The following DENND4C variants were observed in gnomAD, a reference collection of about 807,000 sequenced individuals.
DENND4C encodes the protein DENN domain containing 4C.
Under a neutral mutation model 203.0 loss-of-function variants are expected in DENND4C, and 108 were observed. The observed-to-expected ratio is 0.53, with a 90% CI of 0.46 to 0.62. The LOEUF is 0.62. Among genes scored for constraint, DENND4C ranks in the 20% least tolerant of loss-of-function variants. The pLI is 0.00. For missense variants in DENND4C, 2,481 were observed against 2,301.2 expected (o/e 1.08, Z -1.60); for synonymous variants, 871 against 792.4 (o/e 1.10, Z -1.67).
intron 1 of DENND4C, among the ~76,000 whole-genome samples, chr9:19,245,562 A>G (rs1000957367): frequency 3.3e-5 from 5 of 150,882 alleles, no homozygotes; most frequent in Non-Finnish European, 7.4e-5. Flanking sequence ...AACTTAAAAA[A>G]TTGTAAGCAT....
At chr9:19,257,271 G>A (rs193288178) in intron 1 of DENND4C, among the ~76,000 whole-genome samples, 5 of 150,948 alleles carry the variant, frequency 3.3e-5, no homozygotes, top group Admixed American at 1.3e-4. Flanking sequence ...TGTGAGAATC[G>A]CTTAAACCCA....
chr9:19,316,578 A>C, intron 11 of DENND4C, 43 bp from the exon 12 acceptor site: 2 of 1,603,218 alleles, frequency 1.2e-6, no homozygotes, highest in Non-Finnish European at 1.7e-6. Flanking sequence ...ATTCTTCTTA[A>C]ATTTAACATA....
At chr9:19,242,203 C>G (rs1823930679) in intron 1 of DENND4C, among the ~76,000 whole-genome samples, 1 of 152,154 alleles carries the variant, frequency 6.6e-6, no homozygotes, top group Non-Finnish European at 1.5e-5. Context: ...TAGCTTCTTT[C>G]ACTTAGCAAT....
rs997021683 is a variant in DENND4C at position 19,352,762 on chromosome 9, C to T, written c.4781+97C>T. Reference sequence around the variant, plus strand: ...TATTCCTGGTATGCTCCAGGTCTGCCTTCCTGTCTGTCCTTCACCTTCAGT... The same window carrying T: ...TATTCCTGGTATGCTCCAGGTCTGCTTTCCTGTCTGTCCTTCACCTTCAGT... On this transcript the variant is annotated intron_variant, in intron 26 of 32. Coordinates refer to ENST00000434457, the MANE Select transcript of DENND4C (RefSeq NM_001330640.2). 1.2e-5 allele frequency: 11 copies of T among 936,088 alleles called. No individual in the cohort carries two copies. The East Asian group carries it at 2.5e-4, about 21-fold the overall frequency. 58.0% of individuals were successfully genotyped at this position (936,088 alleles called of 1,614,324 possible). A position where few individuals can be genotyped will look rare whatever the true frequency, so the allele number is the denominator to read the frequency against.
chr9:19,327,051 A>T (rs1817983101), intron 15 of DENND4C, among the ~76,000 whole-genome samples: 1 of 152,146 alleles, frequency 6.6e-6, no homozygotes, highest in South Asian at 2.1e-4. Flanking sequence ...AATGTATAAT[A>T]TCAAGAGGAC....
In DENND4C at chr9:19,335,106, G is replaced by A; in HGVS notation, c.2589+1G>A. The A allele has an allele frequency of 6.4e-7, 1 of 1,568,766 alleles. No individual in the cohort carries two copies. Among genetic ancestry groups the A allele is most frequent in the Non-Finnish European group, 8.6e-7 (1 of 1,157,876 alleles). On this transcript the variant is annotated splice_donor_variant, in intron 18 of 32. Transcript: ENST00000434457. LOFTEE classifies it high-confidence loss of function. ...TATTACTTATGGTTATTATAATAAG[G>A]TAAGTAGGATCGACATTAGGCAAGA...
At position 19,361,839 on chromosome 9, in the gene DENND4C, C is replaced by G. The variant is rs1250820005; in HGVS notation, c.5407-7C>G. On this transcript the variant is annotated splice_region_variant and splice_polypyrimidine_tract_variant and intron_variant, in intron 29 of 32. Coordinates refer to ENST00000434457, the MANE Select transcript of DENND4C (RefSeq NM_001330640.2). ...GGATACTAATACTTTCTTTTGATTT[C>G]TTTTAGCTTCCTCTGTCATCTCTGT... is the stretch of plus-strand genomic sequence containing the variant. The G allele has an allele frequency of 3.9e-6, 6 of 1,533,986 alleles. No homozygotes were observed. Among genetic ancestry groups the G allele is most frequent in the South Asian group, 2.2e-5 (2 of 89,126 alleles).
chr9:19,372,180 AT>A lies in DENND4C; in HGVS notation c.*9del, dbSNP rs760196569. The A allele has an allele frequency of 3.7e-6, 6 of 1,603,170 alleles. No individual in the cohort carries two copies. The East Asian group carries it at 1.3e-4, about 36-fold the overall frequency. ...TGGAGCGCCTCTCATTTAAATAGAG[AT>A]TCACTAGAATGTTGACACACAAGGC... is the stretch of plus-strand genomic sequence containing the variant. On this transcript the variant is annotated 3_prime_UTR_variant, in exon 33 of 33. Transcript: ENST00000434457.
intron 1 of DENND4C, among the ~76,000 whole-genome samples, chr9:19,240,056 C>T (rs772629490): frequency 6.6e-6 from 1 of 152,160 alleles, no homozygotes; most frequent in Non-Finnish European, 1.5e-5. Context: ...TTTCTCCTTT[C>T]AGGTATGTCA....
At chr9:19,340,816 A>G (rs988068990) in intron 20 of DENND4C, among the ~76,000 whole-genome samples, 176 bp from the exon 21 acceptor site, 2 of 152,094 alleles carry the variant, frequency 1.3e-5, no homozygotes, top group Non-Finnish European at 2.9e-5. Context: ...TCCTGTTTCT[A>G]CTGTTCTTTG....
At chr9:19,251,285 G>A (rs1032005038) in intron 1 of DENND4C, among the ~76,000 whole-genome samples, 1 of 152,220 alleles carries the variant, frequency 6.6e-6, no homozygotes. Context: ...GCTGTACCTT[G>A]GCTCATTTTA....
rs908617388 is a variant in DENND4C, at chr9:19,298,059, C to T, written c.1044C>T (p.His348=). ...SGPHPLPIEK[H]ISHFMQNIPF... ...TATTTCAAATTTTTTTTTCTAGGCA[C>T]ATTTCACATTTTATGCAAAACATCC... is the stretch of plus-strand genomic sequence containing the variant. Residue 348 remains histidine (H), a synonymous_variant, in exon 7 of 33, where the codon CAC becomes CAT. Coordinates refer to ENST00000434457, the MANE Select transcript of DENND4C (RefSeq NM_001330640.2). 11 of 1,606,248 alleles carry T rather than the reference C, an allele frequency of 6.8e-6. No individual in the cohort carries two copies. The highest frequency in any genetic ancestry group is 1.7e-4 in the Middle Eastern group (1 of 6,050).
intron 20 of DENND4C, among the ~76,000 whole-genome samples, chr9:19,339,993 A>G (rs886528069): frequency 3.3e-5 from 5 of 151,984 alleles, no homozygotes; most frequent in African/African-American, 1.2e-4. Flanking sequence ...GCTAGTTTTT[A>G]TGTCCTTTAG....
In DENND4C at chr9:19,301,947, G is replaced by A. The variant is rs138119965; in HGVS notation, c.1311+1616G>A. Among the ~76,000 whole-genome samples the A allele has an allele frequency of 1.2e-4, 18 of 152,116 alleles. No individual in the cohort carries two copies. The East Asian group carries it at 3.3e-3, about 28-fold the overall frequency. ...CAAGACTCCGTCTCAAAAAAAATAAGTTCCCACCAAAATATTCCTTACTAA... is the reference window on the plus strand; with the variant it reads ...CAAGACTCCGTCTCAAAAAAAATAAATTCCCACCAAAATATTCCTTACTAA... On this transcript the variant is annotated intron_variant, in intron 9 of 32. Coordinates refer to ENST00000434457, the MANE Select transcript of DENND4C (RefSeq NM_001330640.2).
At position 19,254,228 on chromosome 9, in the gene DENND4C, C is replaced by G. The variant is rs146552926; in HGVS notation, c.-17-21930C>G. 2.6e-3 allele frequency among the ~76,000 whole-genome samples: 392 copies of G among 152,276 alleles called. 1 individual carries two copies. The highest frequency in any genetic ancestry group is 9.3e-3 in the African/African-American group (385 of 41,558). Reference sequence around the variant, plus strand: ...ACTACTGTACAATTCAGCAATCCCACTTCTAGGTATATATCCAAAGGAAGT... The same window carrying G: ...ACTACTGTACAATTCAGCAATCCCAGTTCTAGGTATATATCCAAAGGAAGT... On this transcript the variant is annotated intron_variant, in intron 1 of 32. Transcript: ENST00000434457.
At chr9:19,260,272 C>T (rs1008073970) in intron 1 of DENND4C, among the ~76,000 whole-genome samples, 1 of 152,010 alleles carries the variant, frequency 6.6e-6, no homozygotes, top group Non-Finnish European at 1.5e-5. Flanking sequence ...ATTCATATGT[C>T]TTCTTTTGAG....
rs1243725071 is a variant in DENND4C at position 19,346,322 on chromosome 9, C to G, written c.3553C>G (p.Gln1185Glu). ...GGTGCCAGAGATGCTTGAGGAAAGC[C>G]AAGAACTCCTTGAGCCTGTGGTTGA... ...SPVPEMLEES[Q>E]ELLEPVVDDV... Residue 1185 changes from glutamine to glutamate, a missense_variant, in exon 23 of 33, where the codon CAA (glutamine) becomes GAA (glutamate). Around this residue, in one of 3 missense-constraint regions of DENND4C, gnomAD observed 2,289 missense variants for 2,113.3 expected, o/e 1.08. Transcript: ENST00000434457. The G allele has an allele frequency of 3.1e-6, 5 of 1,614,116 alleles. No individual in the cohort carries two copies. The highest frequency in any genetic ancestry group is 2.5e-6 in the Non-Finnish European group (3 of 1,180,016).
At chr9:19,367,097 T>G (rs1827834161) in intron 30 of DENND4C, among the ~76,000 whole-genome samples, 1 of 152,198 alleles carries the variant, frequency 6.6e-6, no homozygotes. Context: ...TGAAAAATGC[T>G]CAACAGCACT....
intron 9 of DENND4C, among the ~76,000 whole-genome samples, chr9:19,304,067 C>A (rs1839153482): frequency 6.8e-6 from 1 of 146,920 alleles, no homozygotes; most frequent in African/African-American, 2.5e-5. Context: ...AAAAAACCCA[C>A]AAATGATGCA....
Sources: gnomAD v4.1 joint callset for allele counts (sites outside exome capture counted in the v4.1 genomes callset) on GRCh38, gnomAD v4.1.1 for gene constraint, gnomAD v4.1.1 regional missense constraint, MANE v1.5 for transcripts, NCBI Gene and HGNC (gene_info 2026-07-23, HGNC 2026-07-21) for gene names.